REEP1: variants seen among roughly 807,000 people sequenced by gnomAD.
The protein encoded by REEP1 is receptor expression-enhancing protein 1.
A neutral mutation model predicts 40.3 loss-of-function variants in REEP1; 22 were observed. That is an observed-to-expected ratio of 0.55 (90% CI 0.39 to 0.78). REEP1 has a LOEUF of 0.78. Among genes scored for constraint, REEP1 ranks in the 30% least tolerant of loss-of-function variants. The probability of loss-of-function intolerance (pLI) is 0.00; values close to 1 mark genes in which losing one functional copy is unlikely to be tolerated. For missense variants in REEP1, 280 were observed against 361.1 expected, an observed-to-expected ratio of 0.78 and a Z score of 1.82; for synonymous variants, 116 against 139.2, an observed-to-expected ratio of 0.83 and a Z score of 1.17.
Position 86,337,430 on chromosome 2 carries a change from G to T in REEP1, c.32+49C>A. ...TAGGGGCGCGCGCAGCCCGGGGCCGGGGGCGGGGAGGGAGGGGACGGAGGG... is the reference window on the plus strand; with the variant it reads ...TAGGGGCGCGCGCAGCCCGGGGCCGTGGGCGGGGAGGGAGGGGACGGAGGG... On this transcript the variant is annotated intron_variant, in intron 1 of 8. Coordinates refer to ENST00000538924, the MANE Select transcript of REEP1 (RefSeq NM_001371279.1). The surrounding 1 kb of genome is among the most constrained non-coding windows in gnomAD (Gnocchi z 5.8). The T allele has an allele frequency of 8.4e-7, 1 of 1,196,284 alleles. No homozygotes were observed. 74.1% of individuals were successfully genotyped at this position (1,196,284 alleles called of 1,614,324 possible).
At chr2:86,232,546 G>T (rs1432635601) in intron 6 of REEP1, 79 bp downstream of exon 6, 3 of 1,531,294 alleles carry the variant, frequency 2.0e-6, no homozygotes, top group Admixed American at 3.4e-5. Flanking sequence ...CAGGCTGCAT[G>T]CCACACTGCG....
chr2:86,304,420 C>G (rs150687314), intron 1 of REEP1, among the ~76,000 whole-genome samples: 21 of 152,286 alleles, frequency 1.4e-4, no homozygotes, highest in African/African-American at 5.1e-4. Flanking sequence ...TATTTCCAAT[C>G]GCAGACTCTC....
intron 7 of REEP1, among the ~76,000 whole-genome samples, chr2:86,224,372 A>G (rs907823370): frequency 3.9e-5 from 6 of 152,016 alleles, no homozygotes; most frequent in Non-Finnish European, 8.8e-5. Flanking sequence ...TGCAAGACAG[A>G]CCTCCCCCAA....
intron 3 of REEP1, among the ~76,000 whole-genome samples, chr2:86,255,561 C>T (rs1471002439): frequency 6.6e-6 from 1 of 152,168 alleles, no homozygotes; most frequent in East Asian, 1.9e-4. Context: ...CCAGCTTGTA[C>T]TGAGCACCAG....
At chr2:86,290,510 G>T (rs1333094280) in intron 1 of REEP1, among the ~76,000 whole-genome samples, 1 of 152,148 alleles carries the variant, frequency 6.6e-6, no homozygotes, top group African/African-American at 2.4e-5. Flanking sequence ...GTGTGTCGTG[G>T]CTCTCCAAAA....
intron 5 of REEP1, among the ~76,000 whole-genome samples, chr2:86,241,994 C>A (rs907216202): frequency 6.6e-6 from 1 of 152,028 alleles, no homozygotes; most frequent in Non-Finnish European, 1.5e-5. Flanking sequence ...AAGAGCCTGC[C>A]TTGTAAATAA....
intron 1 of REEP1, among the ~76,000 whole-genome samples, chr2:86,292,506 G>A (rs1678767648): frequency 6.6e-6 from 1 of 152,136 alleles, no homozygotes. Flanking sequence ...CTGTTTTGAA[G>A]AAGAGAGAAG....
chr2:86,215,010 G>T lies in REEP1; in HGVS notation c.*2029C>A, dbSNP rs1573977031. On this transcript the variant is annotated 3_prime_UTR_variant, in exon 9 of 9. Transcript: ENST00000538924. ...TCGGCAAAAAAAAAAAAATTGCTAA[G>T]AAGCTGTGTAAGCTTTTTTTTTTTT... 4.1e-5 allele frequency: 5 copies of T among 122,568 alleles called. No homozygotes were observed. Among genetic ancestry groups the T allele is most frequent in the African/African-American group, 1.2e-4 (4 of 34,538 alleles). 7.6% of individuals were successfully genotyped at this position (122,568 alleles called of 1,614,324 possible). A position where few individuals can be genotyped will look rare whatever the true frequency, so the allele number is the denominator to read the frequency against.
intron 1 of REEP1, among the ~76,000 whole-genome samples, chr2:86,304,188 G>GA (rs1679383364): frequency 6.6e-6 from 1 of 152,082 alleles, no homozygotes; most frequent in Admixed American, 6.5e-5. Flanking sequence ...GTGCTCTTAT[G>GA]GTCTCCCAGG....
At chr2:86,246,094 A>G (rs942444345) in intron 5 of REEP1, among the ~76,000 whole-genome samples, 12 of 152,218 alleles carry the variant, frequency 7.9e-5, no homozygotes, top group African/African-American at 2.7e-4. Context: ...ATTTAAATTT[A>G]AACAGCTACA....
intron 1 of REEP1, among the ~76,000 whole-genome samples, chr2:86,336,017 T>C (rs1340285083): frequency 6.6e-6 from 1 of 151,330 alleles, no homozygotes; most frequent in East Asian, 2.0e-4. Context: ...CCAGGCCAGC[T>C]CAACTCTCCA....
chr2:86,282,382 C>CT (rs1223862873), intron 1 of REEP1, 140 bp from the exon 2 acceptor site: 65 of 697,538 alleles, frequency 9.3e-5, no homozygotes, highest in Non-Finnish European at 1.5e-4. Flanking sequence ...TATGAATGCC[C>CT]TGAAGGTGTT....
chr2:86,331,688 GGA>G (rs1379703337), intron 1 of REEP1, among the ~76,000 whole-genome samples: 2 of 152,108 alleles, frequency 1.3e-5, no homozygotes, highest in African/African-American at 4.8e-5. Flanking sequence ...ACGGGGAGAG[GGA>G]GAGATAGGAT....
chr2:86,288,690 T>C (rs968393836), intron 1 of REEP1, among the ~76,000 whole-genome samples: 1 of 152,194 alleles, frequency 6.6e-6, no homozygotes, highest in East Asian at 1.9e-4. Context: ...GCAAAACCAC[T>C]TGCCAGAATG....
intron 1 of REEP1, among the ~76,000 whole-genome samples, chr2:86,322,319 G>T (rs546725686): frequency 4.6e-5 from 7 of 152,172 alleles, no homozygotes; most frequent in African/African-American, 1.7e-4. Context: ...CGAGGTGGGG[G>T]GATTGCTTGA....
At chr2:86,311,247 C>T (rs1397354276) in intron 1 of REEP1, among the ~76,000 whole-genome samples, 1 of 152,198 alleles carries the variant, frequency 6.6e-6, no homozygotes, top group African/African-American at 2.4e-5. Flanking sequence ...TGCACCAGTC[C>T]TGCCAGGTTC....
intron 2 of REEP1, among the ~76,000 whole-genome samples, chr2:86,268,599 G>C (rs1677266887): frequency 6.6e-6 from 1 of 152,030 alleles, no homozygotes; most frequent in African/African-American, 2.4e-5. Context: ...CACAATCCCA[G>C]CAAGTTTCTT....
chr2:86,269,094 A>C (rs1422154025), intron 2 of REEP1, among the ~76,000 whole-genome samples: 3 of 152,222 alleles, frequency 2.0e-5, no homozygotes, highest in African/African-American at 7.2e-5. Flanking sequence ...GTTTTTGGAT[A>C]CAACATCAAT....
At chr2:86,332,395 G>A (rs1332956433) in intron 1 of REEP1, among the ~76,000 whole-genome samples, 1 of 146,250 alleles carries the variant, frequency 6.8e-6, no homozygotes, top group Non-Finnish European at 1.5e-5. Flanking sequence ...CTGCTGCACT[G>A]CCATATCTCT....
Sources: allele counts gnomAD v4.1 joint callset (sites outside exome capture counted in the v4.1 genomes callset), GRCh38; gene constraint gnomAD v4.1.1; non-coding constraint Gnocchi (gnomAD v3.1); transcripts MANE v1.5; gene names NCBI Gene and HGNC (gene_info 2026-07-23, HGNC 2026-07-21).